Variants in SCNN1G observed in about 807,000 individuals in gnomAD.
The protein encoded by SCNN1G is epithelial sodium channel subunit gamma.
In SCNN1G, 27 loss-of-function variants were observed where a neutral mutation model predicts 64.6. That is an observed-to-expected ratio of 0.42 (90% CI 0.31 to 0.58). The LOEUF (loss-of-function observed/expected upper bound fraction) is 0.58. Ranked by LOEUF, SCNN1G falls within the 20% of genes least tolerant of loss-of-function variation. The probability of loss-of-function intolerance (pLI) is 0.18; values close to 1 mark genes in which losing one functional copy is unlikely to be tolerated. For synonymous variants in SCNN1G, 330 were observed against 314.2 expected (o/e 1.05, Z -0.53); for missense variants, 743 against 823.4 (o/e 0.90, Z 1.19).
chr16:23,214,569 C>CTTATG lies in SCNN1G; in HGVS notation c.1494-142_1494-138dup, dbSNP rs1468307981. 4 of 714,602 alleles carry CTTATG rather than the reference C, an allele frequency of 5.6e-6. No homozygotes were observed. The African/African-American group carries it at 6.9e-5, about 12-fold the overall frequency. The allele number at this position is 714,602 out of a possible 1,614,324, so 44.3% of individuals were successfully genotyped here. ...TATGCTCTGGGGTGTAGACGGAGCC[C>CTTATG]TTATGGGCCAGGTTCTAATATCCCC... On this transcript the variant is annotated intron_variant, in intron 11 of 12. Transcript: ENST00000300061.
At position 23,212,756 on chromosome 16, in the gene SCNN1G, G is replaced by C. The variant is rs768094072; in HGVS notation, c.1373G>C (p.Ser458Thr). The C allele has an allele frequency of 6.2e-7, 1 of 1,614,040 alleles. No individual in the cohort carries two copies. Among genetic ancestry groups the C allele is most frequent in the Admixed American group, 1.7e-5 (1 of 60,022 alleles). The change falls in exon 9 of 13, where the codon AGC becomes ACC. Residue 458 changes from serine (S) to threonine (T), a missense_variant and splice_region_variant. By Grantham distance (58) the Ser-to-Thr change is moderately conservative. Transcript: ENST00000300061. ...GCQSVCKEAC[S>T]FKEWTLTTSL... ...CAGTCTGTGTGCAAGGAAGCCTGCA[G>C]GTATGTGGACCCCAAGGGGTGAGAC...
chr16:23,204,586 A>T (rs1031112897), intron 6 of SCNN1G, among the ~76,000 whole-genome samples: 1 of 149,956 alleles, frequency 6.7e-6, no homozygotes, highest in Admixed American at 6.7e-5. Context: ...AATTATACAT[A>T]CATAAAGGAT....
intron 6 of SCNN1G, among the ~76,000 whole-genome samples, chr16:23,207,939 G>T (rs1408707610): frequency 6.6e-6 from 1 of 151,802 alleles, no homozygotes; most frequent in Non-Finnish European, 1.5e-5. Flanking sequence ...CCACAAATCT[G>T]CCATTCTTTT....
intron 2 of SCNN1G, 77 bp downstream of exon 2, chr16:23,186,665 A>G: frequency 1.6e-6 from 2 of 1,276,084 alleles, no homozygotes; most frequent in East Asian, 4.6e-5. Flanking sequence ...CGAAAGTGAC[A>G]CACTGGCAGC....
intron 5 of SCNN1G, chr16:23,196,547 T>C (rs184050205): frequency 5.1e-4 from 78 of 153,756 alleles, no homozygotes; most frequent in Middle Eastern, 3.4e-3. Flanking sequence ...GAGCAGGGTC[T>C]CTACGGATGG....
chr16:23,187,520 C>G (rs1342886601), intron 2 of SCNN1G, among the ~76,000 whole-genome samples: 1 of 152,154 alleles, frequency 6.6e-6, no homozygotes, highest in Non-Finnish European at 1.5e-5. Context: ...TGCACACTCC[C>G]CATATCAAGC....
intron 8 of SCNN1G, 146 bp downstream of exon 8, chr16:23,212,297 G>C: frequency 1.4e-6 from 1 of 712,506 alleles, no homozygotes; most frequent in Non-Finnish European, 2.6e-6. Context: ...TTTTACTTCT[G>C]TTGTCAAGCC....
Position 23,214,605 on chromosome 16 carries a change from G to A in SCNN1G, c.1494-107G>A. The A allele has an allele frequency of 5.9e-6, 5 of 851,250 alleles. No homozygotes were observed. In the South Asian group the frequency reaches 6.9e-5, roughly 12 times the overall value. 52.7% of individuals were successfully genotyped at this position (851,250 alleles called of 1,614,324 possible). On this transcript the variant is annotated intron_variant, in intron 11 of 12. Transcript: ENST00000300061. ...GGTTCTAATATCCCCAAGGAGCTCA[G>A]TGCCTTGGCCATGCTGCCAGCTTGG...
intron 6 of SCNN1G, among the ~76,000 whole-genome samples, chr16:23,199,514 C>T (rs563818603): frequency 6.6e-6 from 1 of 152,160 alleles, no homozygotes; most frequent in Admixed American, 6.5e-5. Context: ...GAGAACCACA[C>T]CAGCAATATG....
chr16:23,191,430 T>C (rs1959706868), intron 3 of SCNN1G, among the ~76,000 whole-genome samples: 1 of 151,960 alleles, frequency 6.6e-6, no homozygotes, highest in Non-Finnish European at 1.5e-5. Flanking sequence ...TTTATATAGA[T>C]GTTTGTTTGT....
chr16:23,195,890 C>T (rs1959788069), intron 5 of SCNN1G: 2 of 152,230 alleles, frequency 1.3e-5, no homozygotes, highest in South Asian at 4.1e-4. Flanking sequence ...TTCTTTCCAT[C>T]CATATAGACC....
At chr16:23,186,929 G>A (rs1959618628) in intron 2 of SCNN1G, among the ~76,000 whole-genome samples, 1 of 151,864 alleles carries the variant, frequency 6.6e-6, no homozygotes, top group African/African-American at 2.4e-5. Flanking sequence ...CTCCCGAGTA[G>A]CTGGGACTAC....
At chr16:23,209,076 C>T (rs1034206047) in intron 6 of SCNN1G, among the ~76,000 whole-genome samples, 2 of 152,166 alleles carry the variant, frequency 1.3e-5, no homozygotes, top group Non-Finnish European at 2.9e-5. Flanking sequence ...GCCATACCAG[C>T]CCATCTTGCT....
At chr16:23,194,787 A>G (rs1271708584) in intron 5 of SCNN1G, 2 of 179,812 alleles carry the variant, frequency 1.1e-5, no homozygotes, top group Non-Finnish European at 2.4e-5. Context: ...TACTGACAGG[A>G]CTTAAGATAC....
chr16:23,193,301 TATG>T (rs2141932060), intron 4 of SCNN1G, among the ~76,000 whole-genome samples: 1 of 152,176 alleles, frequency 6.6e-6, no homozygotes, highest in South Asian at 2.1e-4. Context: ...CTTTCACCTT[TATG>T]ATAACACTCA....
At chr16:23,210,399 C>T (rs888394740) in intron 7 of SCNN1G, among the ~76,000 whole-genome samples, 5 of 152,176 alleles carry the variant, frequency 3.3e-5, no homozygotes, top group South Asian at 2.1e-4. Context: ...TGAAACGATA[C>T]AGCAACATTG....
At position 23,215,364 on chromosome 16, in the gene SCNN1G, A is replaced by G; in HGVS notation, c.1845A>G (p.Leu615=). 1 of 1,614,154 alleles carries G rather than the reference A, an allele frequency of 6.2e-7. No homozygotes were observed. Among genetic ancestry groups the G allele is most frequent in the Non-Finnish European group, 8.5e-7 (1 of 1,180,020 alleles). ...FNSALHLPPA[L]GTQVPGTPPP... The stretch of plus-strand genomic sequence containing the variant: ...CTGCTTTGCACCTGCCTCCAGCCCT[A>G]GGAACCCAAGTGCCCGGCACACCGC... The change falls in exon 13 of 13, where the codon CTA becomes CTG. Residue 615 remains leucine (L), a synonymous_variant. Coordinates refer to ENST00000300061, the MANE Select transcript of SCNN1G (RefSeq NM_001039.4).
intron 6 of SCNN1G, among the ~76,000 whole-genome samples, chr16:23,208,146 G>A (rs1375514152): frequency 1.3e-5 from 2 of 152,088 alleles, no homozygotes; most frequent in Non-Finnish European, 2.9e-5. Flanking sequence ...TATTTGCAGT[G>A]ACAAATATTA....
chr16:23,216,000 AGGT>A lies in SCNN1G; in HGVS notation c.*533_*535del, dbSNP rs1960154288. The A allele has an allele frequency of 5.1e-6, 1 of 197,628 alleles. No individual in the cohort carries two copies. The highest frequency in any genetic ancestry group is 9.9e-5 in the South Asian group (1 of 10,118). 12.2% of individuals were successfully genotyped at this position (197,628 alleles called of 1,614,324 possible). ...GTTCTTCATCATTGACACTGGAGAA[AGGT>A]GTCCTCCATGCCCTCAGGCAGCAGA... On this transcript the variant is annotated 3_prime_UTR_variant, in exon 13 of 13. Coordinates refer to ENST00000300061, the MANE Select transcript of SCNN1G (RefSeq NM_001039.4).
Sources: gnomAD v4.1 joint callset for allele counts (sites outside exome capture counted in the v4.1 genomes callset) on GRCh38, gnomAD v4.1.1 for gene constraint, MANE v1.5 for transcripts, NCBI Gene and HGNC (gene_info 2026-07-23, HGNC 2026-07-21) for gene names.